Variants in PDZRN3 observed in about 807,000 individuals in gnomAD.
The protein encoded by PDZRN3 is E3 ubiquitin-protein ligase PDZRN3.
PDZRN3 carries 38 observed loss-of-function variants against 85.7 expected under a neutral mutation model. The ratio of observed to expected loss-of-function variants is 0.44; its 90% CI spans 0.34 to 0.58. The LOEUF (loss-of-function observed/expected upper bound fraction) is 0.58. Ranked by LOEUF, PDZRN3 falls within the 20% of genes least tolerant of loss-of-function variation. The pLI is 0.01. For missense variants in PDZRN3, 1,629 were observed against 1,506.4 expected, an observed-to-expected ratio of 1.08 and a Z score of -1.35; for synonymous variants, 759 against 638.0, an observed-to-expected ratio of 1.19 and a Z score of -2.86.
chr3:73,397,427 C>T (rs909401992), intron 5 of PDZRN3, among the ~76,000 whole-genome samples: 6 of 152,316 alleles, frequency 3.9e-5, no homozygotes, highest in Admixed American at 6.5e-5. Context: ...AGGATGGAAT[C>T]TAGAAGGCAG....
At chr3:73,444,358 GTCC>G (rs1305330982) in intron 3 of PDZRN3, among the ~76,000 whole-genome samples, 1 of 152,164 alleles carries the variant, frequency 6.6e-6, no homozygotes, top group Non-Finnish European at 1.5e-5. Context: ...ATGTCCATCT[GTCC>G]TCCTACTCCT....
chr3:73,516,146 T>G (rs953878148), intron 3 of PDZRN3, among the ~76,000 whole-genome samples: 7 of 152,230 alleles, frequency 4.6e-5, no homozygotes, highest in Non-Finnish European at 1.0e-4. Flanking sequence ...ATTGTTGTGG[T>G]GGGTTTCCAT....
intron 3 of PDZRN3, among the ~76,000 whole-genome samples, chr3:73,587,531 C>T (rs1286658719): frequency 6.6e-6 from 1 of 152,172 alleles, no homozygotes. Context: ...TGTATAAAAA[C>T]AAACAAAAGT....
chr3:73,519,762 G>A (rs1001904914), intron 3 of PDZRN3, among the ~76,000 whole-genome samples: 3 of 152,198 alleles, frequency 2.0e-5, no homozygotes, highest in Non-Finnish European at 4.4e-5. Flanking sequence ...ACCCGGGAAT[G>A]TGATAGGAGG....
intron 3 of PDZRN3, among the ~76,000 whole-genome samples, chr3:73,426,756 C>T (rs758591872): frequency 4.6e-5 from 7 of 152,152 alleles, no homozygotes; most frequent in Non-Finnish European, 7.3e-5. Flanking sequence ...AATTGCTGGG[C>T]CCCACCCCAG....
At chr3:73,481,564 A>G (rs1343662672) in intron 3 of PDZRN3, among the ~76,000 whole-genome samples, 4 of 152,058 alleles carry the variant, frequency 2.6e-5, no homozygotes, top group African/African-American at 7.2e-5. Context: ...TCCCGACCTC[A>G]GGTGATCTGC....
At chr3:73,529,357 A>T (rs1704601548) in intron 3 of PDZRN3, among the ~76,000 whole-genome samples, 2 of 152,308 alleles carry the variant, frequency 1.3e-5, no homozygotes, top group South Asian at 4.2e-4. Context: ...GCCAGGGCAA[A>T]CAAACACCTG....
At chr3:73,444,449 G>C (rs978309427) in intron 3 of PDZRN3, among the ~76,000 whole-genome samples, 1 of 152,132 alleles carries the variant, frequency 6.6e-6, no homozygotes, top group African/African-American at 2.4e-5. Context: ...CTTCTAAGAG[G>C]AAAGCAACAA....
chr3:73,611,688 C>G (rs1489233223), intron 1 of PDZRN3, among the ~76,000 whole-genome samples: 1 of 152,192 alleles, frequency 6.6e-6, no homozygotes, highest in Non-Finnish European at 1.5e-5. Flanking sequence ...AGGTTAATTG[C>G]TATTCTTTGA....
chr3:73,433,707 T>C (rs1702476872), intron 3 of PDZRN3: 11 of 1,536,100 alleles, frequency 7.2e-6, no homozygotes, highest in African/African-American at 1.4e-5. Context: ...CTGCATCCCA[T>C]GTTTAGAAAA....
chr3:73,463,738 T>G lies in PDZRN3; in HGVS notation c.919-59343A>C, dbSNP rs562489446. ...TTCACATGTATGTTCACTGCAGCACTATTCACAATAGCAAAGACATGGAAT... is the reference window on the plus strand; with the variant it reads ...TTCACATGTATGTTCACTGCAGCACGATTCACAATAGCAAAGACATGGAAT... On this transcript the variant is annotated intron_variant, in intron 3 of 9. Coordinates refer to ENST00000263666, the MANE Select transcript of PDZRN3 (RefSeq NM_015009.3). Among the ~76,000 whole-genome samples the G allele has an allele frequency of 5.3e-5, 8 of 152,318 alleles. No homozygotes were observed. The East Asian group carries it at 1.2e-3, about 22-fold the overall frequency.
At chr3:73,491,057 T>C (rs918620465) in intron 3 of PDZRN3, among the ~76,000 whole-genome samples, 1 of 152,230 alleles carries the variant, frequency 6.6e-6, no homozygotes, top group African/African-American at 2.4e-5. Context: ...GGGAGGCTGC[T>C]GATTCCCAAA....
At chr3:73,406,758 T>C (rs1019982597) in intron 3 of PDZRN3, among the ~76,000 whole-genome samples, 1 of 152,270 alleles carries the variant, frequency 6.6e-6, no homozygotes, top group Admixed American at 6.5e-5. Context: ...TTTCTTACTA[T>C]GGCATATTTT....
intron 5 of PDZRN3, among the ~76,000 whole-genome samples, chr3:73,392,174 G>C (rs1359164782): frequency 6.6e-6 from 1 of 152,242 alleles, no homozygotes; most frequent in Non-Finnish European, 1.5e-5. Flanking sequence ...CCCAGGTGGA[G>C]CAACAGCAGG....
intron 3 of PDZRN3, among the ~76,000 whole-genome samples, chr3:73,419,934 A>C (rs933070388): frequency 2.6e-5 from 4 of 152,200 alleles, no homozygotes; most frequent in Non-Finnish European, 5.9e-5. Flanking sequence ...TGACTTTCCA[A>C]AACATTTCTT....
intron 3 of PDZRN3, among the ~76,000 whole-genome samples, chr3:73,545,877 G>C (rs1701411453): frequency 6.6e-6 from 1 of 152,146 alleles, no homozygotes; most frequent in Non-Finnish European, 1.5e-5. Flanking sequence ...TTGCGGGGAG[G>C]AGGGGTTGGT....
intron 3 of PDZRN3, among the ~76,000 whole-genome samples, chr3:73,429,248 A>C (rs939127108): frequency 2.0e-5 from 3 of 152,064 alleles, no homozygotes; most frequent in Non-Finnish European, 4.4e-5. Flanking sequence ...ACTTTGCCTA[A>C]ATGAATTCAG....
chr3:73,444,860 C>T lies in PDZRN3; in HGVS notation c.919-40465G>A, dbSNP rs911694124. Among the ~76,000 whole-genome samples the T allele has an allele frequency of 9.2e-5, 14 of 152,306 alleles. No individual in the cohort carries two copies. The East Asian group carries it at 1.2e-3, about 13-fold the overall frequency. ...GAATACAGACATAGGGAAAAACAAG[C>T]CAGGCCAGAGCCACACGTGAGGAAA... On this transcript the variant is annotated intron_variant, in intron 3 of 9. Transcript: ENST00000263666.
chr3:73,506,484 G>A (rs1033528259), intron 3 of PDZRN3, among the ~76,000 whole-genome samples: 1 of 151,982 alleles, frequency 6.6e-6, no homozygotes, highest in African/African-American at 2.4e-5. Context: ...AATACAATTG[G>A]CTAATGAAAA....
Sources: allele counts gnomAD v4.1 joint callset (sites outside exome capture counted in the v4.1 genomes callset), GRCh38; gene constraint gnomAD v4.1.1; transcripts MANE v1.5; gene names NCBI Gene and HGNC (gene_info 2026-07-23, HGNC 2026-07-21).